PDLIM5: variants seen among roughly 807,000 people sequenced by gnomAD.
PDLIM5 encodes PDZ and LIM domain 5.
A neutral mutation model predicts 64.2 loss-of-function variants in PDLIM5; 34 were observed. The observed-to-expected ratio is 0.53, with a 90% CI of 0.40 to 0.71. PDLIM5 has a LOEUF of 0.71. PDLIM5 is among the 30% of genes least tolerant of loss of function. The pLI is 0.00. For synonymous variants in PDLIM5, 253 were observed against 269.1 expected (o/e 0.94, Z 0.59); for missense variants, 683 against 733.6 (o/e 0.93, Z 0.80).
intron 8 of PDLIM5, among the ~76,000 whole-genome samples, chr4:94,622,018 A>T (rs1739276857): frequency 6.6e-6 from 1 of 152,214 alleles, no homozygotes; most frequent in Non-Finnish European, 1.5e-5. Context: ...ACAGGCATTT[A>T]TTCAGTTATT....
At chr4:94,502,405 C>T (rs940542551) in intron 2 of PDLIM5, among the ~76,000 whole-genome samples, 2 of 152,112 alleles carry the variant, frequency 1.3e-5, no homozygotes, top group African/African-American at 2.4e-5. Context: ...GTAGGGTAAG[C>T]GGCAGCCCAC....
chr4:94,479,393 C>T (rs1361766312), intron 2 of PDLIM5, among the ~76,000 whole-genome samples: 3 of 146,160 alleles, frequency 2.1e-5, no homozygotes, highest in African/African-American at 5.1e-5. Flanking sequence ...GTGGCACAAT[C>T]GTGGCTCACT....
chr4:94,640,554 T>C lies in PDLIM5; in HGVS notation c.1283+104T>C. The C allele has an allele frequency of 4.3e-6, 3 of 695,798 alleles. No homozygotes were observed. The South Asian group carries it at 5.8e-5, about 13-fold the overall frequency. The allele number at this position is 695,798 out of a possible 1,614,324, so 43.1% of individuals were successfully genotyped here. On this transcript the variant is annotated intron_variant, in intron 9 of 12. Transcript: ENST00000317968. ...ATGTGTAATGTAATTAGTGAAAATA[T>C]TCTTGCCATAATCCTATAGAGTACT...
intron 2 of PDLIM5, among the ~76,000 whole-genome samples, chr4:94,499,624 C>G (rs1560658170): frequency 6.6e-6 from 1 of 152,162 alleles, no homozygotes. Flanking sequence ...TATACAAATA[C>G]TATGCCATTT....
At chr4:94,504,039 G>C (rs550018231) in intron 2 of PDLIM5, among the ~76,000 whole-genome samples, 1 of 152,156 alleles carries the variant, frequency 6.6e-6, no homozygotes, top group Admixed American at 6.5e-5. Context: ...TGTTTGGCTA[G>C]GAGACCTCCT....
chr4:94,647,913 C>A (rs1741545031), intron 9 of PDLIM5, among the ~76,000 whole-genome samples: 1 of 152,094 alleles, frequency 6.6e-6, no homozygotes, highest in African/African-American at 2.4e-5. Context: ...CTTAAACAAC[C>A]AGTGGGTCAG....
At chr4:94,480,445 A>G (rs1055942418) in intron 2 of PDLIM5, among the ~76,000 whole-genome samples, 10 of 152,222 alleles carry the variant, frequency 6.6e-5, no homozygotes, top group Non-Finnish European at 1.2e-4. Context: ...TGGTGGGGCA[A>G]TCTAGAGATG....
rs150777701 is a variant in PDLIM5, at chr4:94,652,217, G to C, written c.1284-2243G>C. Reference sequence around the variant, plus strand: ...TTGGATTGACTTCTTTGAAAACTGAGAAGCCAAATAAGAATACTAGCCTCA... The same window carrying C: ...TTGGATTGACTTCTTTGAAAACTGACAAGCCAAATAAGAATACTAGCCTCA... On this transcript the variant is annotated intron_variant, in intron 9 of 12. Coordinates refer to ENST00000317968, the MANE Select transcript of PDLIM5 (RefSeq NM_006457.5). Among the ~76,000 whole-genome samples the C allele has an allele frequency of 4.5e-3, 678 of 152,296 alleles. 20 individuals carry two copies. Among genetic ancestry groups the C allele is most frequent in the Admixed American group, 0.041 (622 of 15,294 alleles).
At chr4:94,482,437 T>C (rs1725951366) in intron 2 of PDLIM5, among the ~76,000 whole-genome samples, 1 of 152,240 alleles carries the variant, frequency 6.6e-6, no homozygotes, top group Admixed American at 6.5e-5. Context: ...TGTGCAAGTG[T>C]GCAAAGAGCT....
intron 3 of PDLIM5, among the ~76,000 whole-genome samples, chr4:94,544,694 T>A (rs564387661): frequency 6.6e-6 from 1 of 152,318 alleles, no homozygotes; most frequent in East Asian, 1.9e-4. Flanking sequence ...CTCACTCTGC[T>A]GCCCAGGCTG....
chr4:94,522,814 G>A (rs949424067), intron 2 of PDLIM5, among the ~76,000 whole-genome samples: 11 of 152,058 alleles, frequency 7.2e-5, no homozygotes, highest in South Asian at 2.1e-4. Context: ...TTGCTTTTTC[G>A]GGCCTAGTCT....
intron 2 of PDLIM5, among the ~76,000 whole-genome samples, chr4:94,486,113 A>G (rs963368539): frequency 2.6e-5 from 4 of 152,102 alleles, no homozygotes; most frequent in East Asian, 1.9e-4. Context: ...TTATGTTCCA[A>G]CCACTCAGTA....
chr4:94,554,823 C>T (rs967470824), intron 3 of PDLIM5, among the ~76,000 whole-genome samples: 5 of 151,966 alleles, frequency 3.3e-5, no homozygotes, highest in African/African-American at 7.3e-5. Flanking sequence ...CTGTGTATAC[C>T]GAATGGTCCT....
intron 5 of PDLIM5, chr4:94,584,917 A>G (rs1736033778): frequency 7.1e-6 from 7 of 983,558 alleles, no homozygotes; most frequent in South Asian, 1.4e-5. Flanking sequence ...TTTTTTTCTT[A>G]TCATTTTCCT....
At chr4:94,650,266 C>T (rs546309254) in intron 9 of PDLIM5, among the ~76,000 whole-genome samples, 1 of 152,202 alleles carries the variant, frequency 6.6e-6, no homozygotes, top group Non-Finnish European at 1.5e-5. Context: ...TTATCTTGTT[C>T]CTATTTCACT....
At chr4:94,543,591 C>T (rs999577157) in intron 3 of PDLIM5, among the ~76,000 whole-genome samples, 3 of 152,080 alleles carry the variant, frequency 2.0e-5, no homozygotes, top group African/African-American at 7.2e-5. Context: ...CTCCCCAGCC[C>T]ACCTCCATCA....
intron 8 of PDLIM5, among the ~76,000 whole-genome samples, chr4:94,628,387 A>C (rs2110426135): frequency 6.6e-6 from 1 of 152,320 alleles, no homozygotes; most frequent in South Asian, 2.1e-4. Context: ...TAATGACTTT[A>C]ATTGAGAGAT....
intron 8 of PDLIM5, among the ~76,000 whole-genome samples, chr4:94,630,740 A>C (rs1375588563): frequency 6.6e-6 from 1 of 152,116 alleles, no homozygotes; most frequent in Non-Finnish European, 1.5e-5. Flanking sequence ...GTATTATAGG[A>C]TTTTTAAAAT....
intron 2 of PDLIM5, among the ~76,000 whole-genome samples, chr4:94,457,431 G>A (rs1723476061): frequency 1.3e-5 from 2 of 152,066 alleles, no homozygotes; most frequent in African/African-American, 4.8e-5. Flanking sequence ...TTCTTCTACT[G>A]ATGATCTATT....
Sources: gnomAD v4.1 joint callset for allele counts (sites outside exome capture counted in the v4.1 genomes callset) on GRCh38, gnomAD v4.1.1 for gene constraint, MANE v1.5 for transcripts, NCBI Gene and HGNC (gene_info 2026-07-23, HGNC 2026-07-21) for gene names.